Variants in CUX1 observed in about 807,000 individuals in gnomAD.
CUX1 encodes cut like homeobox 1.
CUX1 carries 31 observed loss-of-function variants against 158.8 expected under a neutral mutation model. The ratio of observed to expected loss-of-function variants is 0.20; its 90% CI spans 0.15 to 0.26. The LOEUF is 0.26. Among genes scored for constraint, CUX1 ranks in the 10% least tolerant of loss-of-function variants. The pLI is 1.00. For missense variants in CUX1, 1,589 were observed against 2,014.6 expected, an observed-to-expected ratio of 0.79 and a Z score of 4.04; for synonymous variants, 879 against 862.1, an observed-to-expected ratio of 1.02 and a Z score of -0.34.
chr7:101,915,975 C>T, intron 1 of CUX1, 140 bp from the exon 2 acceptor site: 1 of 657,782 alleles, frequency 1.5e-6, no homozygotes, highest in South Asian at 1.7e-5. Context: ...CACCCTCCAG[C>T]CCCTCCTCTG....
At chr7:102,243,909 C>G (rs1653540129) in intron 23 of CUX1, among the ~76,000 whole-genome samples, 1 of 151,978 alleles carries the variant, frequency 6.6e-6, no homozygotes, top group African/African-American at 2.4e-5. Flanking sequence ...TGCCTGTAAT[C>G]CCAGCTACTC....
chr7:102,268,820 G>T (rs572149517), intron 14 of CUX1, among the ~76,000 whole-genome samples: 45 of 151,974 alleles, frequency 3.0e-4, no homozygotes, highest in African/African-American at 9.9e-4. Flanking sequence ...GGTGGGGGAG[G>T]TGCCACGCTC....
At position 102,163,557 on chromosome 7, in the gene CUX1, A is replaced by G. The variant is rs1353531689; in HGVS notation, c.723+4949A>G. Among the ~76,000 whole-genome samples the G allele has an allele frequency of 2.6e-5, 4 of 152,308 alleles. No individual in the cohort carries two copies. The South Asian group carries it at 8.3e-4, about 32-fold the overall frequency. On this transcript the variant is annotated intron_variant, in intron 9 of 23. Coordinates refer to ENST00000292535, the MANE Select transcript of CUX1 (RefSeq NM_181552.4). ...GAAGAATCGTAGGCGGGATTGAGACATCAGGTTTGAGTTCTAGAAGGATCT... is the reference window on the plus strand; with the variant it reads ...GAAGAATCGTAGGCGGGATTGAGACGTCAGGTTTGAGTTCTAGAAGGATCT...
chr7:101,821,136 G>T (rs1417761378), intron 1 of CUX1, among the ~76,000 whole-genome samples: 6 of 152,234 alleles, frequency 3.9e-5, no homozygotes, highest in East Asian at 3.9e-4. Flanking sequence ...TTAGAGCAAA[G>T]AATTTGTGAA....
chr7:101,888,131 C>G (rs1562967007), intron 1 of CUX1, among the ~76,000 whole-genome samples: 1 of 152,062 alleles, frequency 6.6e-6, no homozygotes, highest in East Asian at 1.9e-4. Context: ...GTCAGAAGTT[C>G]CAGACCAGCC....
chr7:102,002,224 C>T (rs948598420), intron 2 of CUX1, among the ~76,000 whole-genome samples: 3 of 152,200 alleles, frequency 2.0e-5, no homozygotes, highest in Non-Finnish European at 4.4e-5. Context: ...CTCTTCAGCC[C>T]AGGAGGTGGA....
intron 3 of CUX1, among the ~76,000 whole-genome samples, chr7:102,030,689 G>GTGTTTTTTTTTTTTTTTTTTTTTT (rs1554459461): frequency 2.4e-5 from 2 of 82,540 alleles, no homozygotes; most frequent in African/African-American, 5.3e-5. Flanking sequence ...ATTTTAAAAA[G>GTGTTTTTTTTTTTTTTTTTTTTTT]TGTTTTTTTT....
chr7:101,869,593 T>G lies in CUX1; in HGVS notation c.31-46522T>G, dbSNP rs972136190. ...GGGCGGGGGAGGGAAACCAGCACGT[T>G]AGAAGGTCAGCCAAGGTCAGGCGGC... On this transcript the variant is annotated intron_variant, in intron 1 of 23. Transcript: ENST00000292535. The surrounding 1 kb of genome is among the most constrained non-coding windows in gnomAD (Gnocchi z 4.5). Among the ~76,000 whole-genome samples, 1 of 151,982 alleles carries G rather than the reference T, an allele frequency of 6.6e-6. No individual in the cohort carries two copies. Among genetic ancestry groups the G allele is most frequent in the Admixed American group, 6.5e-5 (1 of 15,270 alleles).
At chr7:102,043,955 CA>C (rs756344606) in intron 3 of CUX1, among the ~76,000 whole-genome samples, 1 of 152,028 alleles carries the variant, frequency 6.6e-6, no homozygotes, top group Non-Finnish European at 1.5e-5. Flanking sequence ...AGATGTTGAG[CA>C]GCTTTTCATA....
At chr7:101,991,829 A>T (rs1815178650) in intron 2 of CUX1, among the ~76,000 whole-genome samples, 1 of 151,534 alleles carries the variant, frequency 6.6e-6, no homozygotes, top group Non-Finnish European at 1.5e-5. Context: ...GCCACTCAGG[A>T]GGCTGGAGGA....
chr7:101,937,217 C>A (rs59381704), intron 2 of CUX1, among the ~76,000 whole-genome samples: 18,936 of 152,198 alleles, frequency 0.12, 1,387 homozygotes, highest in Middle Eastern at 0.22. Context: ...GATGTCAGCA[C>A]CCCAGCCCCC....
intron 2 of CUX1, among the ~76,000 whole-genome samples, chr7:101,974,106 T>G (rs1812358746): frequency 6.6e-6 from 1 of 151,286 alleles, no homozygotes; most frequent in South Asian, 2.1e-4. Context: ...AATCTGGCTC[T>G]GTCACCCAGG....
intron 2 of CUX1, among the ~76,000 whole-genome samples, chr7:101,989,617 T>C (rs1048467032): frequency 6.6e-6 from 1 of 152,100 alleles, no homozygotes; most frequent in African/African-American, 2.4e-5. Flanking sequence ...AGCCCTGTCA[T>C]TGGATGGAAG....
Position 102,214,255 on chromosome 7 carries a change from G to A in CUX1, c.3130+9085G>A, listed in dbSNP as rs528439264. On this transcript the variant is annotated intron_variant, in intron 20 of 23. Coordinates refer to ENST00000292535, the MANE Select transcript of CUX1 (RefSeq NM_181552.4). ...GAAGAAGGTGGTGGCCAGGCGTGGT[G>A]GCTGACGCCTGTAATCCCAACACTT... 2.0e-5 allele frequency among the ~76,000 whole-genome samples: 3 copies of A among 152,300 alleles called. No individual in the cohort carries two copies. In the South Asian group the frequency reaches 6.2e-4, roughly 32 times the overall value.
intron 2 of CUX1, among the ~76,000 whole-genome samples, chr7:101,998,148 A>G (rs1816203863): frequency 1.3e-5 from 2 of 152,204 alleles, no homozygotes; most frequent in African/African-American, 2.4e-5. Flanking sequence ...TGTAGGCTTC[A>G]CAGTACAGAT....
intron 8 of CUX1, among the ~76,000 whole-genome samples, chr7:102,133,857 G>A (rs1563290899): frequency 6.6e-6 from 1 of 152,220 alleles, no homozygotes; most frequent in Non-Finnish European, 1.5e-5. Flanking sequence ...CCACACCGGG[G>A]TAATTGCAGA....
chr7:102,166,490 T>C (rs2131639736), intron 9 of CUX1, among the ~76,000 whole-genome samples: 1 of 152,202 alleles, frequency 6.6e-6, no homozygotes, highest in South Asian at 2.1e-4. Flanking sequence ...GATCTGGGGT[T>C]CCAGATCTAG....
At chr7:102,172,362 A>G (rs1258665859) in intron 10 of CUX1, among the ~76,000 whole-genome samples, 1 of 152,020 alleles carries the variant, frequency 6.6e-6, no homozygotes, top group Non-Finnish European at 1.5e-5. Flanking sequence ...GGTTACAGGC[A>G]TGAGCCACTG....
At chr7:101,819,036 C>T (rs775523816) in intron 1 of CUX1, 23 of 152,226 alleles carry the variant, frequency 1.5e-4, no homozygotes, top group African/African-American at 5.3e-4. Context: ...TCTTGTCCCT[C>T]GGCTTCCTGG....
Sources: allele counts gnomAD v4.1 joint callset (sites outside exome capture counted in the v4.1 genomes callset), GRCh38; gene constraint gnomAD v4.1.1; non-coding constraint Gnocchi (gnomAD v3.1); transcripts MANE v1.5; gene names NCBI Gene and HGNC (gene_info 2026-07-23, HGNC 2026-07-21).